Variants in GRM8 observed in about 807,000 individuals in gnomAD.
GRM8 encodes glutamate metabotropic receptor 8, also known as metabotropic glutamate receptor 8.
Under a neutral mutation model 87.2 loss-of-function variants are expected in GRM8, and 47 were observed. The observed-to-expected ratio is 0.54, with a 90% CI of 0.43 to 0.69. The LOEUF (loss-of-function observed/expected upper bound fraction) is 0.69, where lower values mean the gene tolerates loss of function less well. Among genes scored for constraint, GRM8 ranks in the 30% least tolerant of loss-of-function variants. The pLI, the probability that GRM8 is intolerant of heterozygous loss-of-function variation, is 0.00. For synonymous variants in GRM8, 396 were observed against 404.5 expected (o/e 0.98, Z 0.25); for missense variants, 1,019 against 1,139.2 (o/e 0.89, Z 1.52).
At chr7:126,576,004 G>A (rs1795085518) in intron 8 of GRM8, among the ~76,000 whole-genome samples, 1 of 152,088 alleles carries the variant, frequency 6.6e-6, no homozygotes, top group East Asian at 1.9e-4. Context: ...CTTTAGTATT[G>A]GTCAAATGCT....
At chr7:126,690,175 C>G (rs1808647474) in intron 7 of GRM8, among the ~76,000 whole-genome samples, 1 of 152,218 alleles carries the variant, frequency 6.6e-6, no homozygotes, top group Non-Finnish European at 1.5e-5. Context: ...GCGCCTTTGC[C>G]TGAGTTTTGC....
At chr7:126,942,138 G>A (rs1003377941) in intron 3 of GRM8, among the ~76,000 whole-genome samples, 11 of 151,628 alleles carry the variant, frequency 7.3e-5, no homozygotes, top group Admixed American at 3.3e-4. Flanking sequence ...TTGATTACAT[G>A]AGCAAGCAAA....
intron 8 of GRM8, among the ~76,000 whole-genome samples, chr7:126,598,958 C>T (rs576329502): frequency 6.6e-6 from 1 of 152,180 alleles, no homozygotes; most frequent in African/African-American, 2.4e-5. Context: ...GAAACTGAGC[C>T]TTTATCTAGG....
intron 2 of GRM8, 118 bp downstream of exon 2, chr7:127,242,577 A>G: frequency 2.2e-6 from 2 of 912,256 alleles, no homozygotes; most frequent in Admixed American, 2.4e-5. Flanking sequence ...GAACCTGGTA[A>G]CACCAAAAGG....
At chr7:127,119,838 T>C (rs1826925875) in intron 2 of GRM8, among the ~76,000 whole-genome samples, 1 of 152,220 alleles carries the variant, frequency 6.6e-6, no homozygotes, top group African/African-American at 2.4e-5. Flanking sequence ...CTATCTCCTT[T>C]GTTGGCTATT....
chr7:126,963,205 A>T (rs1054050447), intron 3 of GRM8, among the ~76,000 whole-genome samples: 5 of 152,216 alleles, frequency 3.3e-5, no homozygotes, highest in African/African-American at 9.6e-5. Context: ...TTTTGGCCAG[A>T]TTCAAGTGAC....
chr7:126,828,811 C>T (rs2130358576), intron 6 of GRM8, among the ~76,000 whole-genome samples: 1 of 152,100 alleles, frequency 6.6e-6, no homozygotes, highest in South Asian at 2.1e-4. Context: ...CAATTTTGGG[C>T]TTTTAGTGCT....
chr7:127,043,841 GC>G (rs1288504665), intron 3 of GRM8, among the ~76,000 whole-genome samples: 1 of 152,192 alleles, frequency 6.6e-6, no homozygotes, highest in East Asian at 1.9e-4. Flanking sequence ...ATGCTGGGTA[GC>G]CAAGGGCATG....
intron 2 of GRM8, among the ~76,000 whole-genome samples, chr7:127,200,889 T>C (rs930492170): frequency 6.6e-6 from 1 of 152,238 alleles, no homozygotes; most frequent in African/African-American, 2.4e-5. Context: ...GGGAACATTA[T>C]TTAACCCTGT....
chr7:126,982,092 C>G (rs552579443), intron 3 of GRM8, among the ~76,000 whole-genome samples: 1 of 152,120 alleles, frequency 6.6e-6, no homozygotes, highest in Non-Finnish European at 1.5e-5. Flanking sequence ...AGCAAGGAAG[C>G]CAGTCTGAGT....
chr7:126,487,661 C>T (rs973671386), intron 9 of GRM8, among the ~76,000 whole-genome samples: 77 of 151,884 alleles, frequency 5.1e-4, no homozygotes, highest in African/African-American at 1.7e-3. Context: ...TAATATCATA[C>T]ATTTCTCATT....
chr7:127,038,812 T>C (rs1159716972), intron 3 of GRM8, among the ~76,000 whole-genome samples: 3 of 152,248 alleles, frequency 2.0e-5, no homozygotes, highest in African/African-American at 7.2e-5. Context: ...AATAGAACAA[T>C]GGCTGTATTT....
intron 6 of GRM8, among the ~76,000 whole-genome samples, chr7:126,792,845 C>T (rs1821512244): frequency 6.6e-6 from 1 of 152,190 alleles, no homozygotes; most frequent in Non-Finnish European, 1.5e-5. Flanking sequence ...TGGTGACTGG[C>T]CACAGCAGGA....
At chr7:126,707,084 G>A (rs1013545091) in intron 7 of GRM8, among the ~76,000 whole-genome samples, 11 of 151,964 alleles carry the variant, frequency 7.2e-5, no homozygotes, top group African/African-American at 2.2e-4. Context: ...TGGGCAGATC[G>A]CTTGAGTCCA....
chr7:126,720,173 G>T, intron 7 of GRM8, among the ~76,000 whole-genome samples: 1 of 148,848 alleles, frequency 6.7e-6, no homozygotes. Flanking sequence ...TTTTGAGATG[G>T]GATCTGGCTC....
At chr7:127,189,785 C>G (rs1182195680) in intron 2 of GRM8, among the ~76,000 whole-genome samples, 2 of 152,178 alleles carry the variant, frequency 1.3e-5, no homozygotes, top group Non-Finnish European at 2.9e-5. Context: ...AATCAGTCCC[C>G]TCAAATTTAT....
intron 6 of GRM8, among the ~76,000 whole-genome samples, chr7:126,781,118 G>A (rs192628505): frequency 1.6e-3 from 238 of 152,190 alleles, no homozygotes; most frequent in South Asian, 8.7e-3. Context: ...CAATTAGATG[G>A]GCAACAGTGT....
chr7:126,582,028 T>C (rs1453164986), intron 8 of GRM8, among the ~76,000 whole-genome samples: 1 of 152,058 alleles, frequency 6.6e-6, no homozygotes, highest in Non-Finnish European at 1.5e-5. Context: ...ATTGTTCAAG[T>C]GAAAGACATA....
At chr7:126,724,189 A>T (rs1812722320) in intron 7 of GRM8, among the ~76,000 whole-genome samples, 1 of 152,128 alleles carries the variant, frequency 6.6e-6, no homozygotes, top group South Asian at 2.1e-4. Flanking sequence ...AGATTAGCTA[A>T]TTGTTCACCA....
Sources: gnomAD v4.1 joint callset for allele counts (sites outside exome capture counted in the v4.1 genomes callset) on GRCh38, gnomAD v4.1.1 for gene constraint, MANE v1.5 for transcripts, NCBI Gene and HGNC (gene_info 2026-07-23, HGNC 2026-07-21) for gene names.